Variants in TP53I13 observed in about 807,000 individuals in gnomAD.
TP53I13 encodes tumor protein p53-inducible protein 13.
TP53I13 carries 27 observed loss-of-function variants against 39.1 expected under a neutral mutation model. The observed-to-expected ratio is 0.69, with a 90% CI of 0.51 to 0.95. The LOEUF (loss-of-function observed/expected upper bound fraction) is 0.95. Among genes scored for constraint, TP53I13 ranks in the 40% least tolerant of loss-of-function variants. TP53I13 has a pLI of 0.00. For missense variants in TP53I13, 544 were observed against 520.4 expected, an observed-to-expected ratio of 1.05 and a Z score of -0.44; for synonymous variants, 230 against 224.6, an observed-to-expected ratio of 1.02 and a Z score of -0.22.
At chr17:29,575,267 A>T (rs749537581), downstream of TP53I13, 4 of 1,593,604 alleles carry the variant, frequency 2.5e-6, no homozygotes, top group African/African-American at 4.1e-5. This position sits in a 1 kb window ranked among gnomAD's most constrained non-coding sequence, Gnocchi z 5.5. Flanking sequence ...CATCCCCCTC[A>T]CCTCCCCCTC....
In TP53I13 at chr17:29,572,529, CG is replaced by C; in HGVS notation, c.905del (p.Gly302AlafsTer16). 6.2e-7 allele frequency: 1 copy of C among 1,608,060 alleles called. No individual in the cohort carries two copies. The highest frequency in any genetic ancestry group is 1.3e-5 in the African/African-American group (1 of 74,938). ...PRAAAPPRAARGPTPRTEEAA... is the reference protein window; with the variant it reads ...PRAAAPPRAAXGPTPRTEEAA... The stretch of plus-strand genomic sequence containing the variant: ...CGCAGCAGCGCCTCCACGGGCAGCC[CG>C]GGGCCCCACCCCACGCACTGAAGAG... On this transcript the variant is annotated frameshift_variant, in exon 6 of 7. Coordinates refer to ENST00000301057, the MANE Select transcript of TP53I13 (RefSeq NM_138349.4). LOFTEE classifies it high-confidence loss of function.
downstream of TP53I13, chr17:29,576,886 C>T (rs769808064): frequency 7.0e-6 from 11 of 1,575,270 alleles, no homozygotes; most frequent in Middle Eastern, 1.9e-4. Context: ...CTCCGAGTGG[C>T]GCCGGTGCTG....
rs901264665 is a variant in TP53I13 at position 29,568,962 on chromosome 17, G to A, written c.73-56G>A. On this transcript the variant is annotated intron_variant, in intron 1 of 6. Transcript: ENST00000301057. The surrounding 1 kb of genome is among the most constrained non-coding windows in gnomAD (Gnocchi z 4.5). ...CGCTGGCGGGCTGGGCCTGGGGAGA[G>A]AGAGGGCAGGGCCTCGCCGCGTCCA... The A allele has an allele frequency of 9.3e-5, 148 of 1,591,396 alleles. No individual in the cohort carries two copies. Among genetic ancestry groups the A allele is most frequent in the Non-Finnish European group, 1.2e-4 (146 of 1,170,550 alleles).
chr17:29,578,512 T>G, the TP53I13 span: 1 of 873,180 alleles, frequency 1.1e-6, no homozygotes, highest in East Asian at 2.4e-5. Context: ...AATGGGAAAG[T>G]GGAAAGGGAT....
downstream of TP53I13, chr17:29,575,248 C>T (rs575569631): frequency 5.7e-6 from 9 of 1,584,978 alleles, no homozygotes; most frequent in African/African-American, 4.0e-5. This position sits in a 1 kb window ranked among gnomAD's most constrained non-coding sequence, Gnocchi z 5.5. Context: ...TAGAAGCCAA[C>T]AGGAACTGCA....
chr17:29,566,733 G>C (rs773440202), upstream of TP53I13: 10 of 1,564,158 alleles, frequency 6.4e-6, no homozygotes, highest in African/African-American at 1.1e-4. Context: ...ACTGGGCCAG[G>C]GCCGACGGCT....
At chr17:29,579,389 CCCTTG>C in the TP53I13 span, 1 of 261,220 alleles carries the variant, frequency 3.8e-6, no homozygotes, top group African/African-American at 2.2e-5. Flanking sequence ...GCTGCACTAC[CCCTTG>C]CCTTAAGGCA....
chr17:29,575,736 G>A (rs771739398), downstream of TP53I13: 16 of 1,610,380 alleles, frequency 9.9e-6, no homozygotes, highest in Admixed American at 6.7e-5. The surrounding 1 kb of genome is among the most constrained non-coding windows in gnomAD (Gnocchi z 5.5). Flanking sequence ...TGTGAGCGCC[G>A]TGTTCCTGGA....
chr17:29,579,837 G>A, the TP53I13 span, among the ~76,000 whole-genome samples: 1 of 152,112 alleles, frequency 6.6e-6, no homozygotes, highest in Admixed American at 6.5e-5. Flanking sequence ...GCTCAGAGAG[G>A]TCAAGCAGCC....
downstream of TP53I13, chr17:29,576,330 G>A (rs769942743): frequency 5.6e-6 from 9 of 1,613,108 alleles, no homozygotes; most frequent in South Asian, 1.1e-5. Context: ...CGATCCCTGC[G>A]GTGTGTGCTC....
rs1217855129 is a variant in TP53I13, at chr17:29,569,375, G to C, written c.183+16G>C. ...CCCAGGGCAGGTGAGTACAAGCAGG[G>C]GCCCACCACCCTTGGTGTCCACGCC... On this transcript the variant is annotated intron_variant, in intron 3 of 6. Coordinates refer to ENST00000301057, the MANE Select transcript of TP53I13 (RefSeq NM_138349.4). 1.2e-6 allele frequency: 2 copies of C among 1,613,020 alleles called. No individual in the cohort carries two copies. The highest frequency in any genetic ancestry group is 8.5e-7 in the Non-Finnish European group (1 of 1,179,568).
the TP53I13 span, chr17:29,581,395 A>G: frequency 6.2e-7 from 1 of 1,609,322 alleles, no homozygotes; most frequent in East Asian, 2.2e-5. This position sits in a 1 kb window ranked among gnomAD's most constrained non-coding sequence, Gnocchi z 4.8. Context: ...ACAAAAATAA[A>G]AATGCCAAGT....
the TP53I13 span, chr17:29,581,667 C>G: frequency 8.8e-7 from 1 of 1,136,276 alleles, no homozygotes; most frequent in Non-Finnish European, 1.3e-6. This position sits in a 1 kb window ranked among gnomAD's most constrained non-coding sequence, Gnocchi z 4.8. Flanking sequence ...CACCTGCTGC[C>G]GGGTGCGTCC....
Position 29,568,729 on chromosome 17 carries a change from G to T in TP53I13, c.-30G>T. ...CGCTCCCTCGCTGGCGGAGCGGCTGGGCGGCGGGCCGGGCCCGGGGCCGCT... is the reference window on the plus strand; with the variant it reads ...CGCTCCCTCGCTGGCGGAGCGGCTGTGCGGCGGGCCGGGCCCGGGGCCGCT... On this transcript the variant is annotated 5_prime_UTR_variant, in exon 1 of 7. Coordinates refer to ENST00000301057, the MANE Select transcript of TP53I13 (RefSeq NM_138349.4). This position sits in a 1 kb window ranked among gnomAD's most constrained non-coding sequence, Gnocchi z 4.5. 1 of 1,446,172 alleles carries T rather than the reference G, an allele frequency of 6.9e-7. No individual in the cohort carries two copies. The highest frequency in any genetic ancestry group is 9.1e-7 in the Non-Finnish European group (1 of 1,104,484). 89.6% of individuals were successfully genotyped at this position (1,446,172 alleles called of 1,614,324 possible).
At chr17:29,575,943 C>A (rs1373407255), downstream of TP53I13, 2 of 1,544,000 alleles carry the variant, frequency 1.3e-6, no homozygotes, top group Admixed American at 3.5e-5. The surrounding 1 kb of genome is among the most constrained non-coding windows in gnomAD (Gnocchi z 5.5). Context: ...TGCCCCACTG[C>A]CCCCCTGCTC....
chr17:29,581,572 G>GC, the TP53I13 span: 11 of 694,588 alleles, frequency 1.6e-5, no homozygotes, highest in African/African-American at 1.9e-4. The surrounding 1 kb of genome is among the most constrained non-coding windows in gnomAD (Gnocchi z 4.8). Context: ...CCTAGCCCCA[G>GC]CGATGCTATG....
At chr17:29,575,559 C>T (rs1359941242), downstream of TP53I13, 17 of 1,563,022 alleles carry the variant, frequency 1.1e-5, no homozygotes, top group Non-Finnish European at 1.4e-5. The surrounding 1 kb of genome is among the most constrained non-coding windows in gnomAD (Gnocchi z 5.5). Flanking sequence ...GGTCCTCACA[C>T]ACTGGGGGCC....
At chr17:29,566,736 C>A, upstream of TP53I13, 2 of 1,560,278 alleles carry the variant, frequency 1.3e-6, no homozygotes, top group Non-Finnish European at 8.6e-7. Flanking sequence ...GGGCCAGGGC[C>A]GACGGCTTGC....
At chr17:29,569,437 TCTG>T in intron 3 of TP53I13, 78 bp downstream of exon 3, 1 of 1,436,370 alleles carries the variant, frequency 7.0e-7, no homozygotes, top group South Asian at 1.2e-5. Flanking sequence ...CGCTGCCTGT[TCTG>T]CTGATCGGCC....
Sources: gnomAD v4.1 joint callset for allele counts (sites outside exome capture counted in the v4.1 genomes callset) on GRCh38, gnomAD v4.1.1 for gene constraint, Gnocchi (gnomAD v3.1) non-coding constraint, MANE v1.5 for transcripts, NCBI Gene and HGNC (gene_info 2026-07-23, HGNC 2026-07-21) for gene names.